VASH1: variants seen among roughly 807,000 people sequenced by gnomAD.
VASH1 encodes vasohibin 1.
Under a neutral mutation model 35.0 loss-of-function variants are expected in VASH1, and 16 were observed. The ratio of observed to expected loss-of-function variants is 0.46; its 90% CI spans 0.31 to 0.70. VASH1 has a LOEUF of 0.70. Among genes scored for constraint, VASH1 ranks in the 30% least tolerant of loss-of-function variants. The pLI is 0.05. For missense variants in VASH1, 505 were observed against 510.7 expected (o/e 0.99, Z 0.11); for synonymous variants, 214 against 200.9 (o/e 1.07, Z -0.55).
At chr14:76,778,693 C>T (rs948170771) in intron 6 of VASH1, among the ~76,000 whole-genome samples, 2 of 152,210 alleles carry the variant, frequency 1.3e-5, no homozygotes, top group African/African-American at 4.8e-5. Context: ...TAAGCTGTTA[C>T]CTACCAACTG....
At position 76,776,287 on chromosome 14, in the gene VASH1, C is replaced by G; in HGVS notation, c.912+14C>G. The G allele has an allele frequency of 1.5e-5, 23 of 1,553,078 alleles. No individual in the cohort carries two copies. Among genetic ancestry groups the G allele is most frequent in the Non-Finnish European group, 2.0e-5 (23 of 1,154,450 alleles). On this transcript the variant is annotated intron_variant, in intron 5 of 6. Coordinates refer to ENST00000167106, the MANE Select transcript of VASH1 (RefSeq NM_014909.5). The stretch of plus-strand genomic sequence containing the variant: ...ATGCGGCTCAAGGTCTGCCCGCCTT[C>G]CACGCCCTCGCCCCCTCCCTCGCCC...
rs1323134971 is a variant in VASH1, at chr14:76,776,251, A to G, written c.890A>G (p.His297Arg). Residue 297 changes from histidine to arginine, a missense_variant, in exon 5 of 7, where the codon CAC becomes CGC. Physicochemically the swap from His to Arg is conservative, Grantham distance 29. Transcript: ENST00000167106. ...RDDFRKELERHARDMRLKIGK... is the reference protein window; with the variant it reads ...RDDFRKELERRARDMRLKIGK... ...GACTTCCGCAAGGAGCTGGAGCGCC[A>G]CGCCCGCGACATGCGGCTCAAGGTC... is the stretch of plus-strand genomic sequence containing the variant. 1 of 1,598,508 alleles carries G rather than the reference A, an allele frequency of 6.3e-7. No individual in the cohort carries two copies. Among genetic ancestry groups the G allele is most frequent in the Admixed American group, 1.7e-5 (1 of 59,704 alleles).
chr14:76,769,198 GT>G, intron 1 of VASH1: 1 of 1,148,244 alleles, frequency 8.7e-7, no homozygotes, highest in South Asian at 1.5e-5. Context: ...AACACTGCCT[GT>G]TCTCTCCTCT....
chr14:76,768,907 G>A (rs1357611404), intron 1 of VASH1, among the ~76,000 whole-genome samples: 1 of 152,190 alleles, frequency 6.6e-6, no homozygotes, highest in African/African-American at 2.4e-5. Context: ...GGTGGACAAG[G>A]GGGAGCCCTG....
At chr14:76,778,557 C>T (rs1036817419) in intron 6 of VASH1, among the ~76,000 whole-genome samples, 4 of 152,202 alleles carry the variant, frequency 2.6e-5, no homozygotes, top group African/African-American at 4.8e-5. Context: ...TCAGGAGCCA[C>T]CTCTCTGGTA....
In VASH1 at chr14:76,779,511, C is replaced by A; in HGVS notation, c.*493C>A. 1 of 701,576 alleles carries A rather than the reference C, an allele frequency of 1.4e-6. No individual in the cohort carries two copies. The highest frequency in any genetic ancestry group is 2.6e-6 in the Non-Finnish European group (1 of 384,404). 43.5% of individuals were successfully genotyped at this position (701,576 alleles called of 1,614,324 possible). A position where few individuals can be genotyped will look rare whatever the true frequency, so the allele number is the denominator to read the frequency against. On this transcript the variant is annotated 3_prime_UTR_variant, in exon 7 of 7. Transcript: ENST00000167106. ...TCTGCCTGCCCTGGCAGAATCTTGA[C>A]CCAGGGAAAGGGAAGCAGGGTAGGA...
At position 76,778,026 on chromosome 14, in the gene VASH1, G is replaced by A. The variant is rs970036682; in HGVS notation, c.980G>A (p.Arg327Gln). 5.8e-6 allele frequency: 9 copies of A among 1,541,566 alleles called. No homozygotes were observed. The highest frequency in any genetic ancestry group is 1.4e-5 in the African/African-American group (1 of 71,764). ...DRKKDVSSPQRAQSSPHRRNS... is the reference protein window; with the variant it reads ...DRKKDVSSPQQAQSSPHRRNS... ...AAGAAGGATGTTTCTTCCCCGCAGC[G>A]GGCCCAGTCCAGCCCCCACCGCAGG... Residue 327 changes from arginine (R) to glutamine (Q), a missense_variant, in exon 6 of 7, where the codon CGG (arginine) becomes CAG (glutamine). Transcript: ENST00000167106.
rs1436188628 is a variant in VASH1 at position 76,762,814 on chromosome 14, A to G, written c.-8A>G. 1 of 1,474,820 alleles carries G rather than the reference A, an allele frequency of 6.8e-7. No homozygotes were observed. Among genetic ancestry groups the G allele is most frequent in the East Asian group, 2.4e-5 (1 of 41,900 alleles). The allele number at this position is 1,474,820 out of a possible 1,614,324, so 91.4% of individuals were successfully genotyped here. A position where few individuals can be genotyped will look rare whatever the true frequency, so the allele number is the denominator to read the frequency against. On this transcript the variant is annotated 5_prime_UTR_variant, in exon 1 of 7. Coordinates refer to ENST00000167106, the MANE Select transcript of VASH1 (RefSeq NM_014909.5). ...CCCGCCTCCACCACCCCCCTCGAAG[A>G]TTTAGGGATGCCAGGGGGGAAGAAG... is the stretch of plus-strand genomic sequence containing the variant.
chr14:76,775,365 G>A (rs1893906601), intron 4 of VASH1, among the ~76,000 whole-genome samples: 1 of 152,138 alleles, frequency 6.6e-6, no homozygotes, highest in Admixed American at 6.5e-5. Flanking sequence ...TAGGAAGTGG[G>A]AGTGGGCCTG....
intron 1 of VASH1, among the ~76,000 whole-genome samples, chr14:76,764,907 G>C (rs892552496): frequency 6.6e-6 from 1 of 152,012 alleles, no homozygotes; most frequent in Admixed American, 6.6e-5. Context: ...GGCCAGGCTG[G>C]TCTCAAACTC....
intron 2 of VASH1, among the ~76,000 whole-genome samples, chr14:76,770,320 G>A (rs1216778073): frequency 6.6e-6 from 1 of 152,162 alleles, no homozygotes; most frequent in Non-Finnish European, 1.5e-5. Context: ...GGTAAAGAGA[G>A]GAAAATGGGT....
chr14:76,772,941 C>T (rs1468174374), intron 3 of VASH1, among the ~76,000 whole-genome samples, 196 bp from the exon 4 acceptor site: 2 of 152,192 alleles, frequency 1.3e-5, no homozygotes, highest in African/African-American at 4.8e-5. Flanking sequence ...CAGTGGCCGC[C>T]TCTTTCCCAC....
rs775555431 is a variant in VASH1, at chr14:76,776,003, C to G, written c.642C>G (p.Arg214=). 1 of 1,613,160 alleles carries G rather than the reference C, an allele frequency of 6.2e-7. No homozygotes were observed. Among genetic ancestry groups the G allele is most frequent in the South Asian group, 1.1e-5 (1 of 90,894 alleles). Residue 214 remains arginine (R), a synonymous_variant, in exon 5 of 7, where the codon CGC becomes CGG. Coordinates refer to ENST00000167106, the MANE Select transcript of VASH1 (RefSeq NM_014909.5). The part of the protein sequence containing the change: ...HIVLGVNFAG[R]YGALGMSRRE... ...TGCTGGGGGTGAACTTCGCGGGCCG[C>G]TACGGTGCGCTGGGCATGAGTCGGC...
chr14:76,773,751 A>T (rs1049740626), intron 4 of VASH1: 4 of 154,974 alleles, frequency 2.6e-5, no homozygotes, highest in African/African-American at 9.6e-5. Context: ...CAGACCAGCC[A>T]CCAGGAGAGG....
intron 3 of VASH1, 131 bp from the exon 4 acceptor site, chr14:76,773,006 T>A: frequency 1.2e-6 from 1 of 804,716 alleles, no homozygotes; most frequent in South Asian, 1.9e-5. Context: ...GTGCTGGGCC[T>A]GAGCTGAGAG....
At chr14:76,766,568 G>A (rs540094180) in intron 1 of VASH1, among the ~76,000 whole-genome samples, 11 of 152,260 alleles carry the variant, frequency 7.2e-5, no homozygotes, top group Non-Finnish European at 1.5e-4. Context: ...AGCCTCCAGA[G>A]TAGCTGGGGC....
At chr14:76,766,332 C>T (rs551961720) in intron 1 of VASH1, among the ~76,000 whole-genome samples, 35 of 152,340 alleles carry the variant, frequency 2.3e-4, no homozygotes, top group South Asian at 2.3e-3. Context: ...TGACCCCAGA[C>T]CCAGCTGCTG....
At chr14:76,766,691 C>G (rs902341989) in intron 1 of VASH1, among the ~76,000 whole-genome samples, 1 of 152,172 alleles carries the variant, frequency 6.6e-6, no homozygotes, top group African/African-American at 2.4e-5. Flanking sequence ...ATCCTCCCGC[C>G]TCAGCCTCCC....
At chr14:76,769,470 T>C (rs1893731816) in intron 1 of VASH1, 7 of 1,289,020 alleles carry the variant, frequency 5.4e-6, no homozygotes, top group Non-Finnish European at 6.1e-6. Context: ...CCCATGATAC[T>C]GGGTGGGTCC....
Sources: allele counts gnomAD v4.1 joint callset (sites outside exome capture counted in the v4.1 genomes callset), GRCh38; gene constraint gnomAD v4.1.1; transcripts MANE v1.5; gene names NCBI Gene and HGNC (gene_info 2026-07-23, HGNC 2026-07-21).